Variants in NCOA7 observed in about 807,000 individuals in gnomAD.
NCOA7 encodes nuclear receptor coactivator 7.
A neutral mutation model predicts 104.3 loss-of-function variants in NCOA7; 45 were observed. That is an observed-to-expected ratio of 0.43 (90% CI 0.34 to 0.55). The LOEUF is 0.55. Among genes scored for constraint, NCOA7 ranks in the 20% least tolerant of loss-of-function variants. The pLI is 0.02. For synonymous variants in NCOA7, 398 were observed against 402.3 expected, an observed-to-expected ratio of 0.99 and a Z score of 0.13; for missense variants, 1,041 against 1,119.7, an observed-to-expected ratio of 0.93 and a Z score of 1.00.
intron 2 of NCOA7, among the ~76,000 whole-genome samples, chr6:125,844,085 AC>A (rs1299164271): frequency 6.6e-6 from 1 of 152,186 alleles, no homozygotes; most frequent in African/African-American, 2.4e-5. Context: ...CTGACCCACC[AC>A]TGTTTTAACA....
At chr6:125,884,059 C>G (rs1351479741) in intron 7 of NCOA7, among the ~76,000 whole-genome samples, 1 of 152,136 alleles carries the variant, frequency 6.6e-6, no homozygotes, top group Non-Finnish European at 1.5e-5. Flanking sequence ...CTCTCTACTT[C>G]TAGGGGATCA....
chr6:125,931,179 A>G lies in NCOA7; in HGVS notation c.*2408A>G, dbSNP rs567735316. 6.6e-6 allele frequency: 1 copy of G among 152,484 alleles called. No individual in the cohort carries two copies. The highest frequency in any genetic ancestry group is 1.9e-4 in the East Asian group (1 of 5,178). 9.4% of individuals were successfully genotyped at this position (152,484 alleles called of 1,614,324 possible). On this transcript the variant is annotated 3_prime_UTR_variant, in exon 16 of 16. Transcript: ENST00000392477. Reference sequence around the variant, plus strand: ...CCAGAGTGTTTATTTTTGTGAGAGGATGGTGAAATATCCAAGACTAAACAA... The same window carrying G: ...CCAGAGTGTTTATTTTTGTGAGAGGGTGGTGAAATATCCAAGACTAAACAA...
intron 12 of NCOA7, among the ~76,000 whole-genome samples, chr6:125,921,868 C>T (rs957576518): frequency 2.0e-5 from 3 of 152,106 alleles, no homozygotes; most frequent in Admixed American, 2.0e-4. Flanking sequence ...ACTTGAAATT[C>T]ATGAAATATT....
intron 2 of NCOA7, 50 bp downstream of exon 2, chr6:125,815,454 G>T: frequency 6.7e-7 from 1 of 1,483,304 alleles, no homozygotes; most frequent in South Asian, 1.2e-5. Flanking sequence ...AGAAATATTT[G>T]AGGGGACTTT....
rs182978626 is a variant in NCOA7, at chr6:125,907,280, T to C, written c.2097-8053T>C. Among the ~76,000 whole-genome samples the C allele has an allele frequency of 1.4e-3, 208 of 152,344 alleles. 1 individual carries two copies. Among genetic ancestry groups the C allele is most frequent in the African/African-American group, 4.5e-3 (187 of 41,576 alleles). On this transcript the variant is annotated intron_variant, in intron 10 of 15. Transcript: ENST00000392477. The stretch of plus-strand genomic sequence containing the variant: ...AGAGTGCCCCATTGCAGATGTACCT[T>C]TGAGGTTTCCCATCTCACCTCCGCT...
chr6:125,820,484 G>A (rs1304696070), intron 2 of NCOA7, among the ~76,000 whole-genome samples: 1 of 152,218 alleles, frequency 6.6e-6, no homozygotes, highest in Non-Finnish European at 1.5e-5. Context: ...CTGAACAGCT[G>A]GTCCCCTTAT....
intron 1 of NCOA7, among the ~76,000 whole-genome samples, chr6:125,811,991 G>A (rs959240172): frequency 3.9e-5 from 6 of 152,172 alleles, no homozygotes; most frequent in African/African-American, 7.2e-5. Flanking sequence ...AATTGCTGCC[G>A]CACCACAGCT....
At chr6:125,858,756 GAATTCACCTTTCCACCTAGACCCTTTCCA>G (rs1187681426) in intron 3 of NCOA7, among the ~76,000 whole-genome samples, 3 of 152,150 alleles carry the variant, frequency 2.0e-5, no homozygotes, top group Admixed American at 6.5e-5. Context: ...CCTCTAGGTG[GAATTCACCTTTCCACCTAGACCCTTTCCA>G]AATCTGACTA....
intron 3 of NCOA7, among the ~76,000 whole-genome samples, chr6:125,857,441 A>ATT (rs35775586): frequency 1.4e-5 from 2 of 139,514 alleles, no homozygotes; most frequent in Admixed American, 7.1e-5. Context: ...ATATATATAT[A>ATT]TTTTTTTTTT....
chr6:125,924,536 C>G (rs1395290861), intron 13 of NCOA7, among the ~76,000 whole-genome samples: 2 of 152,150 alleles, frequency 1.3e-5, no homozygotes, highest in African/African-American at 4.8e-5. Context: ...ATATGACATT[C>G]TAATATAAAA....
chr6:125,801,753 T>C (rs1171135453), intron 1 of NCOA7, among the ~76,000 whole-genome samples: 4 of 152,186 alleles, frequency 2.6e-5, no homozygotes, highest in South Asian at 4.1e-4. Context: ...TTTGTGTCTC[T>C]ATCACTACAT....
At chr6:125,922,958 G>A in intron 13 of NCOA7, 124 bp downstream of exon 13, 1 of 885,282 alleles carries the variant, frequency 1.1e-6, no homozygotes, top group South Asian at 2.4e-5. Context: ...TTTGCCTTCT[G>A]TGTCTTTTAT....
intron 10 of NCOA7, among the ~76,000 whole-genome samples, chr6:125,909,111 T>C (rs1786289249): frequency 6.6e-6 from 1 of 152,192 alleles, no homozygotes; most frequent in African/African-American, 2.4e-5. Context: ...CAAAAAGTGA[T>C]TTAAAAATGT....
At chr6:125,841,431 G>A (rs1239483314) in intron 2 of NCOA7, among the ~76,000 whole-genome samples, 1 of 152,062 alleles carries the variant, frequency 6.6e-6, no homozygotes, top group East Asian at 1.9e-4. Context: ...CTGTCGTTTA[G>A]CAAGGCATGA....
upstream of NCOA7, among the ~76,000 whole-genome samples, chr6:125,788,468 T>C (rs1774570074): frequency 6.6e-6 from 1 of 152,062 alleles, no homozygotes; most frequent in African/African-American, 2.4e-5. Flanking sequence ...AAGAAGCATA[T>C]GATACAGCAT....
intron 7 of NCOA7, among the ~76,000 whole-genome samples, chr6:125,883,052 C>G (rs912920888): frequency 6.6e-6 from 1 of 152,224 alleles, no homozygotes; most frequent in Non-Finnish European, 1.5e-5. Flanking sequence ...ATAGTAAGCT[C>G]TCAAGCTGTG....
upstream of NCOA7, among the ~76,000 whole-genome samples, chr6:125,787,671 TAAAGGTGGCCCTCACAGCCATAAAATCAG>T (rs1296995652): frequency 6.6e-6 from 1 of 152,226 alleles, no homozygotes; most frequent in Non-Finnish European, 1.5e-5. Context: ...TTTTCATATT[TAAAGGTGGCCCTCACAGCCATAAAATCAG>T]TGTGGTATTA....
intron 3 of NCOA7, among the ~76,000 whole-genome samples, chr6:125,868,156 TG>T (rs1782591857): frequency 6.6e-6 from 1 of 152,252 alleles, no homozygotes; most frequent in Non-Finnish European, 1.5e-5. Flanking sequence ...AATACAATAA[TG>T]GCTGTTTAAT....
In NCOA7 at chr6:125,921,087, C is replaced by T. The variant is rs747402114; in HGVS notation, c.2370+19C>T. On this transcript the variant is annotated intron_variant, in intron 12 of 15. Transcript: ENST00000392477. ...CGAGCAGGTGGGCTCGCCCTGGCCACCAAGGGTGGGGGTTCCTAGGCTTTA... is the reference window on the plus strand; with the variant it reads ...CGAGCAGGTGGGCTCGCCCTGGCCATCAAGGGTGGGGGTTCCTAGGCTTTA... The T allele has an allele frequency of 1.8e-5, 29 of 1,609,526 alleles. No individual in the cohort carries two copies. In the Admixed American group the frequency reaches 4.8e-4, roughly 27 times the overall value.
Sources: allele counts gnomAD v4.1 joint callset (sites outside exome capture counted in the v4.1 genomes callset), GRCh38; gene constraint gnomAD v4.1.1; transcripts MANE v1.5; gene names NCBI Gene and HGNC (gene_info 2026-07-23, HGNC 2026-07-21).